The following USP37 variants were observed in gnomAD, a reference collection of about 807,000 sequenced individuals.
USP37 encodes ubiquitin carboxyl-terminal hydrolase 37.
A neutral mutation model predicts 124.0 loss-of-function variants in USP37; 27 were observed. The observed-to-expected ratio is 0.22, with a 90% CI of 0.16 to 0.30. USP37 has a LOEUF of 0.30. Ranked by LOEUF, USP37 falls within the 10% of genes least tolerant of loss-of-function variation. The pLI, the probability that USP37 is intolerant of heterozygous loss-of-function variation, is 1.00. For missense variants in USP37, 889 were observed against 1,140.4 expected, an observed-to-expected ratio of 0.78 and a Z score of 3.17; for synonymous variants, 365 against 388.0, an observed-to-expected ratio of 0.94 and a Z score of 0.70.
At chr2:218,469,890 G>A (rs511080) in intron 20 of USP37, among the ~76,000 whole-genome samples, 88,815 of 144,710 alleles carry the variant, frequency 0.61, 26,989 homozygotes, top group East Asian at 0.79. Flanking sequence ...GCACCATCTC[G>A]ACTCACTGCA....
chr2:218,460,849 G>C (rs1168538054), intron 22 of USP37, among the ~76,000 whole-genome samples: 2 of 152,182 alleles, frequency 1.3e-5, no homozygotes, highest in East Asian at 3.9e-4. Flanking sequence ...GCTGAGGTAG[G>C]AGAATCACTT....
intron 8 of USP37, among the ~76,000 whole-genome samples, chr2:218,539,457 G>A (rs746005255): frequency 1.2e-4 from 18 of 152,042 alleles, no homozygotes; most frequent in African/African-American, 4.1e-4. Context: ...GCTCACACCC[G>A]TAATCCCAAC....
Position 218,558,565 on chromosome 2 carries a change from A to G in USP37, c.89T>C (p.Val30Ala), listed in dbSNP as rs1182114940. 1 of 1,613,654 alleles carries G rather than the reference A, an allele frequency of 6.2e-7. No individual in the cohort carries two copies. Among genetic ancestry groups the G allele is most frequent in the Admixed American group, 1.7e-5 (1 of 60,014 alleles). ...TKWKEGSFEI[V>A]EKENKVSLVV... is the part of the protein sequence containing the mutation. The stretch of plus-strand genomic sequence containing the variant: ...TAGGCTGACTTTATTCTCTTTTTCT[A>G]CAATTTCAAAGGATCCTTCTTTCCA... The change falls in exon 4 of 26, where the codon GTA becomes GCA. Residue 30 changes from valine to alanine, a missense_variant. Val to Ala is a moderately conservative substitution (Grantham distance 64). Transcript: ENST00000258399.
intron 21 of USP37, 34 bp downstream of exon 21, chr2:218,465,976 G>A (rs1470617697): frequency 6.3e-7 from 1 of 1,593,420 alleles, no homozygotes; most frequent in Non-Finnish European, 8.5e-7. Flanking sequence ...GGAAAGGTAA[G>A]TACAGAGAAA....
rs1690296132 is a variant in USP37 at position 218,466,001 on chromosome 2, ATC to A, written c.2466+7_2466+8del. ...GTACAGAGAAAGTAGCAATATAAAT[ATC>A]TCTTACTTGCTCTTGAAGGCTCTGA... On this transcript the variant is annotated splice_region_variant and intron_variant, in intron 21 of 25. Transcript: ENST00000258399. 6.2e-7 allele frequency: 1 copy of A among 1,601,306 alleles called. No individual in the cohort carries two copies. The highest frequency in any genetic ancestry group is 8.5e-7 in the Non-Finnish European group (1 of 1,177,248).
intron 20 of USP37, among the ~76,000 whole-genome samples, chr2:218,472,306 T>C (rs2106416597): frequency 6.6e-6 from 1 of 152,088 alleles, no homozygotes; most frequent in East Asian, 1.9e-4. Context: ...TACACAAGAG[T>C]ATGCATACTG....
chr2:218,458,440 C>T (rs1364449797), intron 23 of USP37, among the ~76,000 whole-genome samples: 2 of 151,552 alleles, frequency 1.3e-5, no homozygotes, highest in Non-Finnish European at 2.9e-5. Context: ...GGCATAGTGG[C>T]TCATGCCTGC....
intron 1 of USP37, among the ~76,000 whole-genome samples, chr2:218,564,802 C>T (rs1366778116): frequency 6.6e-6 from 1 of 152,164 alleles, no homozygotes; most frequent in Non-Finnish European, 1.5e-5. Flanking sequence ...CTCATCACTA[C>T]CTAGAAAATA....
At chr2:218,561,029 G>T (rs1226233677) in intron 2 of USP37, 146 bp from the exon 3 acceptor site, 2 of 152,126 alleles carry the variant, frequency 1.3e-5, no homozygotes, top group Non-Finnish European at 2.9e-5. Context: ...TAATGTGCTG[G>T]GTAATATGAA....
At chr2:218,474,259 T>G (rs973449829) in intron 20 of USP37, among the ~76,000 whole-genome samples, 1 of 152,216 alleles carries the variant, frequency 6.6e-6, no homozygotes, top group African/African-American at 2.4e-5. Context: ...ACCACTAGTA[T>G]CTGTGTACTA....
intron 24 of USP37, among the ~76,000 whole-genome samples, chr2:218,456,762 G>C (rs1174336574): frequency 3.3e-5 from 5 of 152,096 alleles, no homozygotes; most frequent in Non-Finnish European, 7.3e-5. Flanking sequence ...TTGATCCCAG[G>C]AGTTCAAGAC....
At chr2:218,493,209 G>GT (rs745552557) in intron 14 of USP37, among the ~76,000 whole-genome samples, 8 of 152,166 alleles carry the variant, frequency 5.3e-5, no homozygotes, top group Non-Finnish European at 1.0e-4. Context: ...GGTAATGTGT[G>GT]TGGAATCTTC....
In USP37 at chr2:218,455,576, T is replaced by C; in HGVS notation, c.2852+4A>G. The C allele has an allele frequency of 6.2e-7, 1 of 1,602,108 alleles. No homozygotes were observed. The highest frequency in any genetic ancestry group is 8.5e-7 in the Non-Finnish European group (1 of 1,176,424). ...ATTATTTAGAATCTGGCAAAGTTTCTTACTTGTGCATATAAAAGAAGATGT... is the reference window on the plus strand; with the variant it reads ...ATTATTTAGAATCTGGCAAAGTTTCCTACTTGTGCATATAAAAGAAGATGT... On this transcript the variant is annotated splice_donor_region_variant and intron_variant, in intron 25 of 25. Coordinates refer to ENST00000258399, the MANE Select transcript of USP37 (RefSeq NM_020935.3).
intron 6 of USP37, among the ~76,000 whole-genome samples, chr2:218,547,548 T>C (rs1201728212): frequency 6.8e-6 from 1 of 148,120 alleles, no homozygotes; most frequent in East Asian, 2.0e-4. Context: ...AGCACACCTG[T>C]TGAGGGGGCA....
Position 218,488,305 on chromosome 2 carries a change from C to T in USP37, c.1589G>A (p.Arg530Lys), listed in dbSNP as rs1232549583. The T allele has an allele frequency of 6.3e-7, 1 of 1,575,218 alleles. No individual in the cohort carries two copies. The highest frequency in any genetic ancestry group is 8.7e-7 in the Non-Finnish European group (1 of 1,152,950). Reference protein sequence around the residue: ...SIQDSLDLFFRAEELEYSCEK... With the variant: ...SIQDSLDLFFKAEELEYSCEK... ...GAAAATACAAAAGATATTATTTACC[C>T]TAAAGAAAAGATCAAGAGAATCTTG... Residue 530 changes from arginine to lysine, a missense_variant and splice_region_variant, in exon 15 of 26, where the codon AGG (arginine) becomes AAG (lysine). Coordinates refer to ENST00000258399, the MANE Select transcript of USP37 (RefSeq NM_020935.3).
In USP37 at chr2:218,466,196, C is replaced by T. The variant is rs1167177487; in HGVS notation, c.2300-20G>A. On this transcript the variant is annotated intron_variant, in intron 20 of 25. Transcript: ENST00000258399. ...CAGGATCTGAGGAAGCAGAACATAA[C>T]ATTAATTTGGAAAATCCTAATAAAT... 10 of 1,573,740 alleles carry T rather than the reference C, an allele frequency of 6.4e-6. No homozygotes were observed. The highest frequency in any genetic ancestry group is 8.6e-6 in the Non-Finnish European group (10 of 1,163,412).
chr2:218,501,788 C>A (rs1385348328), intron 11 of USP37, among the ~76,000 whole-genome samples: 1 of 152,204 alleles, frequency 6.6e-6, no homozygotes, highest in East Asian at 1.9e-4. Context: ...CTCCAGAAAT[C>A]TGCATAGCAG....
chr2:218,565,152 G>A (rs982042153), intron 1 of USP37, among the ~76,000 whole-genome samples: 3 of 152,160 alleles, frequency 2.0e-5, no homozygotes, highest in Non-Finnish European at 4.4e-5. Context: ...CGAACTCCGG[G>A]GCTCAAGCGA....
chr2:218,526,299 T>C (rs1260553306), intron 10 of USP37, among the ~76,000 whole-genome samples: 1 of 152,150 alleles, frequency 6.6e-6, no homozygotes, highest in African/African-American at 2.4e-5. Flanking sequence ...TGGTGCAATC[T>C]TGGCTCACTG....
Sources: allele counts gnomAD v4.1 joint callset (sites outside exome capture counted in the v4.1 genomes callset), GRCh38; gene constraint gnomAD v4.1.1; transcripts MANE v1.5; gene names NCBI Gene and HGNC (gene_info 2026-07-23, HGNC 2026-07-21).